DSCAML1: variants seen among roughly 807,000 people sequenced by gnomAD.
DSCAML1 encodes the protein cell adhesion molecule DSCAML1.
DSCAML1 carries 38 observed loss-of-function variants against 200.5 expected under a neutral mutation model. The observed-to-expected ratio is 0.19, with a 90% CI of 0.15 to 0.25. The LOEUF is 0.25. DSCAML1 is among the 10% of genes least tolerant of loss of function. DSCAML1 has a pLI of 1.00. For missense variants in DSCAML1, 2,223 were observed against 2,858.8 expected, an observed-to-expected ratio of 0.78 and a Z score of 5.07; for synonymous variants, 1,215 against 1,165.0, an observed-to-expected ratio of 1.04 and a Z score of -0.87.
intron 3 of DSCAML1, among the ~76,000 whole-genome samples, chr11:117,761,388 C>T (rs1281811036): frequency 2.0e-5 from 3 of 152,218 alleles, no homozygotes; most frequent in African/African-American, 4.8e-5. Context: ...CTTCCTCCTC[C>T]TACAGAGAGT....
chr11:117,560,603 G>A (rs536182661), intron 3 of DSCAML1, among the ~76,000 whole-genome samples: 142 of 152,284 alleles, frequency 9.3e-4, no homozygotes, highest in African/African-American at 3.2e-3. Flanking sequence ...AGGACCTGGG[G>A]CAGGCAAACC....
At chr11:117,605,819 C>G (rs1215539988) in intron 3 of DSCAML1, among the ~76,000 whole-genome samples, 1 of 152,140 alleles carries the variant, frequency 6.6e-6, no homozygotes, top group Non-Finnish European at 1.5e-5. Context: ...ATCTTTACAG[C>G]CATGCCATTT....
At chr11:117,811,537 T>TC (rs112630996) in intron 1 of DSCAML1, among the ~76,000 whole-genome samples, 197 of 152,136 alleles carry the variant, frequency 1.3e-3, no homozygotes, top group African/African-American at 3.5e-3. Flanking sequence ...CAGAACCTCC[T>TC]CCCCCAGGAG....
rs75416475 is a variant in DSCAML1, at chr11:117,730,742, C to T, written c.511+46049G>A. Among the ~76,000 whole-genome samples, 176 of 152,342 alleles carry T rather than the reference C, an allele frequency of 1.2e-3. 5 individuals are homozygous for T. The East Asian group carries it at 0.024, about 21-fold the overall frequency. ...AAATTAAAACATACACCCGCACCAA[C>T]ATTTGTAAACAAATGTTCACAGCAG... On this transcript the variant is annotated intron_variant, in intron 3 of 32. Transcript: ENST00000651296.
chr11:117,697,070 A>C (rs1371213668), intron 3 of DSCAML1, among the ~76,000 whole-genome samples: 1 of 152,198 alleles, frequency 6.6e-6, no homozygotes, highest in East Asian at 1.9e-4. Context: ...CGGCTCTGGT[A>C]GTGTTAGTAT....
chr11:117,548,901 CATTT>C (rs1565781730), intron 3 of DSCAML1, among the ~76,000 whole-genome samples: 1 of 152,156 alleles, frequency 6.6e-6, no homozygotes, highest in Non-Finnish European at 1.5e-5. Flanking sequence ...CACATGGGCT[CATTT>C]CTGTCTCTGC....
At chr11:117,441,401 G>A (rs1236607153) in intron 21 of DSCAML1, among the ~76,000 whole-genome samples, 1 of 152,228 alleles carries the variant, frequency 6.6e-6, no homozygotes, top group Non-Finnish European at 1.5e-5. Context: ...GAGGCCACAG[G>A]AGGGGATGCA....
intron 1 of DSCAML1, among the ~76,000 whole-genome samples, chr11:117,792,109 G>C (rs1449066057): frequency 6.6e-6 from 1 of 152,120 alleles, no homozygotes; most frequent in Non-Finnish European, 1.5e-5. Context: ...AAAAGCTCTG[G>C]TTGAAGCTCT....
rs2137262474 is a variant in DSCAML1, at chr11:117,498,249, G to T, written c.2359+5596C>A. Among the ~76,000 whole-genome samples, 2 of 152,344 alleles carry T rather than the reference G, an allele frequency of 1.3e-5. No individual in the cohort carries two copies. The highest frequency in any genetic ancestry group is 1.3e-4 in the Admixed American group (2 of 15,306). The stretch of plus-strand genomic sequence containing the variant: ...CCTCAGTTTGTCACCTGTGCTGAGA[G>T]GGGCCTTGTGAGTATAGTGTGTGGA... On this transcript the variant is annotated intron_variant, in intron 11 of 32. Transcript: ENST00000651296. The surrounding 1 kb of genome is among the most constrained non-coding windows in gnomAD (Gnocchi z 4.0).
At chr11:117,639,675 C>T (rs1049974037) in intron 3 of DSCAML1, among the ~76,000 whole-genome samples, 4 of 152,198 alleles carry the variant, frequency 2.6e-5, no homozygotes, top group Admixed American at 2.0e-4. Context: ...AGACGGTAGG[C>T]TTGTCTTCGT....
intron 3 of DSCAML1, among the ~76,000 whole-genome samples, chr11:117,643,576 C>T (rs950331872): frequency 3.3e-5 from 5 of 152,152 alleles, no homozygotes; most frequent in African/African-American, 9.7e-5. Flanking sequence ...GCTGCCACAT[C>T]GTTTTTAAAA....
At chr11:117,770,112 A>G (rs1042035331) in intron 3 of DSCAML1, among the ~76,000 whole-genome samples, 1 of 152,166 alleles carries the variant, frequency 6.6e-6, no homozygotes, top group Admixed American at 6.5e-5. Context: ...CTCCTTCAGC[A>G]TGCCTTACTG....
chr11:117,599,398 C>A (rs995604650), intron 3 of DSCAML1, among the ~76,000 whole-genome samples: 9 of 152,214 alleles, frequency 5.9e-5, no homozygotes, highest in Non-Finnish European at 1.0e-4. Flanking sequence ...CCTTATTACT[C>A]ATTCTCATAG....
intron 31 of DSCAML1, 33 bp downstream of exon 31, chr11:117,431,501 G>A (rs1435728717): frequency 2.0e-6 from 3 of 1,506,482 alleles, no homozygotes; most frequent in African/African-American, 1.4e-5. Flanking sequence ...CTGGGGGGAG[G>A]TGTTCAGGAT....
rs772421114 is a variant in DSCAML1 at position 117,503,890 on chromosome 11, C to T, written c.2314G>A (p.Gly772Ser). The change falls in exon 11 of 33, where the codon GGC (glycine) becomes AGC (serine). Residue 772 changes from glycine to serine, a missense_variant. By Grantham distance (56) the Gly-to-Ser change is moderately conservative. Around this residue, in one of 7 missense-constraint regions of DSCAML1, gnomAD observed 4 missense variants for 26.4 expected, o/e 0.15. Coordinates refer to ENST00000651296, the MANE Select transcript of DSCAML1 (RefSeq NM_020693.4). The surrounding 1 kb of genome is among the most constrained non-coding windows in gnomAD (Gnocchi z 5.2). ...GACTTGCTGATGTCGGTGCCTACGC[C>T]GTTGCTGGCCTGGCAGAGGTAGTAG... ...IGYYLCQASNGVGTDISKSMF... is the reference protein window; with the variant it reads ...IGYYLCQASNSVGTDISKSMF... 1.4e-5 allele frequency: 22 copies of T among 1,614,016 alleles called. No individual in the cohort carries two copies. Among genetic ancestry groups the T allele is most frequent in the East Asian group, 4.5e-5 (2 of 44,890 alleles).
In DSCAML1 at chr11:117,760,884, C is replaced by T. The variant is rs139911398; in HGVS notation, c.511+15907G>A. Among the ~76,000 whole-genome samples the T allele has an allele frequency of 7.5e-4, 114 of 152,256 alleles. 1 individual carries two copies. The highest frequency in any genetic ancestry group is 2.7e-3 in the African/African-American group (113 of 41,544). On this transcript the variant is annotated intron_variant, in intron 3 of 32. Transcript: ENST00000651296. ...CTTCACTTACAGATGAGGAAACTGA[C>T]ATCCAGAAAGAGGTCATAACACTAT...
chr11:117,796,489 C>T (rs957832275), intron 1 of DSCAML1, among the ~76,000 whole-genome samples: 8 of 152,252 alleles, frequency 5.3e-5, no homozygotes, highest in Admixed American at 1.3e-4. Context: ...CTCTCACTAT[C>T]CCCACCCTGC....
At chr11:117,639,887 G>A (rs564812756) in intron 3 of DSCAML1, among the ~76,000 whole-genome samples, 47 of 151,682 alleles carry the variant, frequency 3.1e-4, no homozygotes, top group Non-Finnish European at 5.7e-4. Flanking sequence ...TCCCCATGAC[G>A]CCAATGCCTG....
intron 3 of DSCAML1, among the ~76,000 whole-genome samples, chr11:117,614,128 T>TCTCTCTCTCTCTGCATTTCTTTC (rs1491455362): frequency 6.8e-6 from 1 of 147,546 alleles, no homozygotes; most frequent in East Asian, 1.9e-4. Flanking sequence ...ATCTCCCTTA[T>TCTCTCTCTCTCTGCATTTCTTTC]CTCTCTCTCT....
Sources: gnomAD v4.1 joint callset for allele counts (sites outside exome capture counted in the v4.1 genomes callset) on GRCh38, gnomAD v4.1.1 for gene constraint, gnomAD v4.1.1 regional missense constraint, Gnocchi (gnomAD v3.1) non-coding constraint, MANE v1.5 for transcripts, NCBI Gene and HGNC (gene_info 2026-07-23, HGNC 2026-07-21) for gene names.